The following GPATCH3 variants were observed in gnomAD, a reference collection of about 807,000 sequenced individuals.
GPATCH3 encodes the protein G-patch domain containing 3.
GPATCH3 carries 45 observed loss-of-function variants against 53.2 expected under a neutral mutation model. The ratio of observed to expected loss-of-function variants is 0.85; its 90% CI spans 0.67 to 1.08. GPATCH3 has a LOEUF of 1.08. Among genes scored for constraint, GPATCH3 ranks in the 50% least tolerant of loss-of-function variants. The probability of loss-of-function intolerance (pLI) is 0.00; values close to 1 mark genes in which losing one functional copy is unlikely to be tolerated. For missense variants in GPATCH3, 680 were observed against 687.2 expected (o/e 0.99, Z 0.12); for synonymous variants, 280 against 270.6 (o/e 1.03, Z -0.34).
In GPATCH3 at chr1:26,897,565, C is replaced by G. The variant is rs1315264156; in HGVS notation, c.612G>C (p.Glu204Asp). 2.5e-6 allele frequency: 4 copies of G among 1,614,114 alleles called. No homozygotes were observed. In the African/African-American group the frequency reaches 4.0e-5, roughly 16 times the overall value. Residue 204 changes from glutamate to aspartate, a missense_variant, in exon 2 of 7, where the codon GAG (glutamate) becomes GAC (aspartate). Physicochemically the swap from Glu to Asp is conservative, Grantham distance 45. Transcript: ENST00000361720. Reference protein sequence around the residue: ...NVGTPLRVFLELIRACRLPPR... With the variant: ...NVGTPLRVFLDLIRACRLPPR... ...GGGGTAGGCGGCAGGCCCGGATCAA[C>G]TCCAAAAAGACCCGCAGGGGAGTCC...
chr1:26,892,796 G>A lies in GPATCH3; in HGVS notation c.1112-5C>T. The A allele has an allele frequency of 6.2e-7, 1 of 1,613,662 alleles. No homozygotes were observed. Among genetic ancestry groups the A allele is most frequent in the Non-Finnish European group, 8.5e-7 (1 of 1,179,640 alleles). On this transcript the variant is annotated splice_polypyrimidine_tract_variant and splice_region_variant and intron_variant, in intron 4 of 6. Coordinates refer to ENST00000361720, the MANE Select transcript of GPATCH3 (RefSeq NM_022078.3). The stretch of plus-strand genomic sequence containing the variant: ...GGGCATCCTTGTCTCCACCATCTGA[G>A]GAAACAGAGCTCAGTTTATGGAAGC...
intron 6 of GPATCH3, among the ~76,000 whole-genome samples, chr1:26,891,517 TAA>T (rs1244547371): frequency 7.3e-6 from 1 of 137,148 alleles, no homozygotes; most frequent in Non-Finnish European, 1.6e-5. Context: ...GCTTACTCTT[TAA>T]AAAAAAAAAA....
At chr1:26,893,261 C>A in intron 4 of GPATCH3, 128 bp downstream of exon 4, 1 of 783,756 alleles carries the variant, frequency 1.3e-6, no homozygotes, top group Non-Finnish European at 2.3e-6. Context: ...AAGAGGAACC[C>A]TCTCAGTGGG....
At chr1:26,899,952 C>A in intron 1 of GPATCH3, 40 bp downstream of exon 1, 1 of 1,585,836 alleles carries the variant, frequency 6.3e-7, no homozygotes, top group South Asian at 1.1e-5. Context: ...GCCTCTGTTC[C>A]AGGCCCGTAG....
intron 6 of GPATCH3, among the ~76,000 whole-genome samples, chr1:26,891,573 G>C (rs1168552303): frequency 6.6e-6 from 1 of 151,974 alleles, no homozygotes; most frequent in Non-Finnish European, 1.5e-5. Context: ...CTGAGATGGG[G>C]TCTCACTATG....
In GPATCH3 at chr1:26,892,787, A is replaced by G. The variant is rs189788782; in HGVS notation, c.1116T>C (p.Gly372=). The G allele has an allele frequency of 2.2e-5, 36 of 1,613,814 alleles. No individual in the cohort carries two copies. The highest frequency in any genetic ancestry group is 2.7e-5 in the Non-Finnish European group (32 of 1,179,742). The change falls in exon 5 of 7, where the codon GGT becomes GGC. Residue 372 remains glycine (G), a synonymous_variant. Transcript: ENST00000361720. The part of the protein sequence containing the change: ...VDMSVYYDRD[G]GDKDARDSVQ... ...CAGAGTCTCGGGCATCCTTGTCTCC[A>G]CCATCTGAGGAAACAGAGCTCAGTT...
chr1:26,897,557 C>T lies in GPATCH3; in HGVS notation c.620G>A (p.Arg207Gln), dbSNP rs974876401. The T allele has an allele frequency of 4.3e-6, 7 of 1,614,150 alleles. No homozygotes were observed. The highest frequency in any genetic ancestry group is 1.1e-5 in the South Asian group (1 of 91,076). The change falls in exon 2 of 7, where the codon CGG becomes CAG. Residue 207 changes from arginine to glutamine, a missense_variant. Transcript: ENST00000361720. ...TPLRVFLELIRACRLPPRIIT... is the reference protein window; with the variant it reads ...TPLRVFLELIQACRLPPRIIT... ...GATCCGAGGGGGTAGGCGGCAGGCC[C>T]GGATCAACTCCAAAAAGACCCGCAG...
Position 26,900,236 on chromosome 1 carries a change from G to A in GPATCH3, c.207C>T (p.Thr69=), listed in dbSNP as rs1421478288. ...GAAGCTGGCCCTCAGCGGCTGGGTC[G>A]GTAGGAATTAGGGCAGAGTTAGGAG... ...QAAPNSALIP[T]DPAAEGQLLS... is the part of the protein sequence containing the mutation. The change falls in exon 1 of 7, where the codon ACC becomes ACT. Residue 69 remains threonine, a synonymous_variant. Transcript: ENST00000361720. The A allele has an allele frequency of 6.2e-7, 1 of 1,614,138 alleles. No individual in the cohort carries two copies.
At chr1:26,892,843 A>G in intron 4 of GPATCH3, 52 bp from the exon 5 acceptor site, 1 of 1,599,300 alleles carries the variant, frequency 6.3e-7, no homozygotes, top group Non-Finnish European at 8.6e-7. Context: ...AGAAGGGGGA[A>G]GAATCAGGTT....
chr1:26,892,415 A>C lies in GPATCH3; in HGVS notation c.1357T>G (p.Leu453Val). 1 of 1,612,256 alleles carries C rather than the reference A, an allele frequency of 6.2e-7. No individual in the cohort carries two copies. The highest frequency in any genetic ancestry group is 8.5e-7 in the Non-Finnish European group (1 of 1,179,134). ...AAGTCCCTCAGTCACACTTACCCCAATCCACGCTTGCATCTGGGGTGTTGG... is the reference window on the plus strand; with the variant it reads ...AAGTCCCTCAGTCACACTTACCCCACTCCACGCTTGCATCTGGGGTGTTGG... Reference protein sequence around the residue: ...DGQHPRCKRGLGYHGEKLQPF... With the variant: ...DGQHPRCKRGVGYHGEKLQPF... The change falls in exon 6 of 7, where the codon TTG (leucine) becomes GTG (valine). Residue 453 changes from leucine (L) to valine (V), a missense_variant. Coordinates refer to ENST00000361720, the MANE Select transcript of GPATCH3 (RefSeq NM_022078.3).
intron 6 of GPATCH3, among the ~76,000 whole-genome samples, chr1:26,892,073 C>A (rs569568191): frequency 4.6e-5 from 7 of 152,022 alleles, no homozygotes; most frequent in Non-Finnish European, 8.8e-5. Flanking sequence ...TAACTCCTGA[C>A]CTCAAATGAT....
chr1:26,891,074 C>G lies in GPATCH3; in HGVS notation c.1514G>C (p.Arg505Pro), dbSNP rs138905113. ...RRQPPTSMKF[R>P]TDMAFVRGSS... is the part of the protein sequence containing the mutation. ...ACCCCTCACAAAGGCCATGTCTGTC[C>G]GAAACTTCATGCTGGTGGGTGGCTG... Residue 505 changes from arginine (R) to proline (P), a missense_variant, in exon 7 of 7, where the codon CGG becomes CCG. By Grantham distance (103) the Arg-to-Pro change is moderately radical (BLOSUM62 -2). Coordinates refer to ENST00000361720, the MANE Select transcript of GPATCH3 (RefSeq NM_022078.3). 3.4e-5 allele frequency: 55 copies of G among 1,613,974 alleles called. No individual in the cohort carries two copies. Among genetic ancestry groups the G allele is most frequent in the Non-Finnish European group, 4.3e-5 (51 of 1,180,040 alleles).
At chr1:26,897,218 A>G in intron 2 of GPATCH3, 83 bp downstream of exon 2, 1 of 1,349,592 alleles carries the variant, frequency 7.4e-7, no homozygotes, top group Non-Finnish European at 1.0e-6. Context: ...GAACCCTTGT[A>G]ATAGACAATT....
Position 26,891,097 on chromosome 1 carries a change from C to G in GPATCH3, c.1491G>C (p.Gln497His). 6.2e-7 allele frequency: 1 copy of G among 1,614,160 alleles called. No homozygotes were observed. Among genetic ancestry groups the G allele is most frequent in the Non-Finnish European group, 8.5e-7 (1 of 1,180,030 alleles). ...TCCGAAACTTCATGCTGGTGGGTGG[C>G]TGGCGGCGGAGCAGTGACTCCGTCT... ...QDQTESLLRR[Q>H]PPTSMKFRTD... The change falls in exon 7 of 7, where the codon CAG becomes CAC. Residue 497 changes from glutamine (Q) to histidine (H), a missense_variant. Gln to His is a conservative substitution (Grantham distance 24, BLOSUM62 0). Coordinates refer to ENST00000361720, the MANE Select transcript of GPATCH3 (RefSeq NM_022078.3).
At chr1:26,899,216 G>GCT (rs1264493775) in intron 1 of GPATCH3, among the ~76,000 whole-genome samples, 2 of 152,190 alleles carry the variant, frequency 1.3e-5, no homozygotes, top group African/African-American at 4.8e-5. Flanking sequence ...GTTTGTTGTA[G>GCT]CTCTGACACT....
chr1:26,890,515 G>T lies in GPATCH3; in HGVS notation c.*495C>A, dbSNP rs113993143. The stretch of plus-strand genomic sequence containing the variant: ...CAGTAGTAAACGTCTTTATTCTTCC[G>T]TGACGTCGCACACCCAAGCCACCTC... On this transcript the variant is annotated 3_prime_UTR_variant, in exon 7 of 7. Coordinates refer to ENST00000361720, the MANE Select transcript of GPATCH3 (RefSeq NM_022078.3). The T allele has an allele frequency of 1.0e-4, 29 of 283,720 alleles. 1 individual carries two copies. The highest frequency in any genetic ancestry group is 1.3e-3 in the Middle Eastern group (1 of 778). The allele number at this position is 283,720 out of a possible 1,614,324, so 17.6% of individuals were successfully genotyped here. A position where few individuals can be genotyped will look rare whatever the true frequency, so the allele number is the denominator to read the frequency against.
At chr1:26,892,173 A>G (rs1193536098) in intron 6 of GPATCH3, among the ~76,000 whole-genome samples, 1 of 151,402 alleles carries the variant, frequency 6.6e-6, no homozygotes, top group African/African-American at 2.4e-5. Flanking sequence ...ACAGTCTCAT[A>G]TGTTGCCCGG....
chr1:26,893,488 ACT>A, intron 3 of GPATCH3, 40 bp from the exon 4 acceptor site: 2 of 1,457,706 alleles, frequency 1.4e-6, no homozygotes, highest in Non-Finnish European at 1.9e-6. Flanking sequence ...TACATTAAGG[ACT>A]CTCAGTTCTA....
intron 4 of GPATCH3, 76 bp from the exon 5 acceptor site, chr1:26,892,867 C>T (rs970475907): frequency 1.8e-5 from 28 of 1,545,164 alleles, no homozygotes; most frequent in Admixed American, 9.1e-5. Flanking sequence ...AGGACCCCCT[C>T]GTAAGATTGA....
Sources: gnomAD v4.1 joint callset for allele counts (sites outside exome capture counted in the v4.1 genomes callset) on GRCh38, gnomAD v4.1.1 for gene constraint, MANE v1.5 for transcripts, NCBI Gene and HGNC (gene_info 2026-07-23, HGNC 2026-07-21) for gene names.